The following CSMD2 variants were observed in gnomAD, a reference collection of about 807,000 sequenced individuals.
CSMD2 encodes CUB and Sushi multiple domains 2, also known as CUB and sushi domain-containing protein 2.
A neutral mutation model predicts 398.5 loss-of-function variants in CSMD2; 130 were observed. That is an observed-to-expected ratio of 0.33 (90% CI 0.28 to 0.38). The LOEUF is 0.38. Among genes scored for constraint, CSMD2 ranks in the 10% least tolerant of loss-of-function variants. The probability of loss-of-function intolerance (pLI) is 1.00; values close to 1 mark genes in which losing one functional copy is unlikely to be tolerated. For missense variants in CSMD2, 3,829 were observed against 4,764.9 expected (o/e 0.80, Z 5.78); for synonymous variants, 1,828 against 1,908.5 (o/e 0.96, Z 1.10).
intron 6 of CSMD2, among the ~76,000 whole-genome samples, chr1:33,841,676 G>C (rs911148747): frequency 3.3e-5 from 5 of 151,818 alleles, no homozygotes; most frequent in Non-Finnish European, 7.4e-5. Flanking sequence ...AAAGTCTTGT[G>C]GTTGCCAAAC....
chr1:33,780,089 A>G (rs1652523875), intron 12 of CSMD2, among the ~76,000 whole-genome samples: 1 of 152,142 alleles, frequency 6.6e-6, no homozygotes, highest in African/African-American at 2.4e-5. Flanking sequence ...ATGAGTAATA[A>G]GTCATTTAAG....
intron 27 of CSMD2, among the ~76,000 whole-genome samples, chr1:33,653,742 T>G (rs1351713605): frequency 2.0e-5 from 3 of 152,010 alleles, no homozygotes; most frequent in Non-Finnish European, 2.9e-5. Flanking sequence ...GGGAAGCGTG[T>G]GGGGTCGTTA....
intron 5 of CSMD2, among the ~76,000 whole-genome samples, chr1:33,860,235 T>C (rs1302502263): frequency 1.3e-5 from 2 of 152,242 alleles, no homozygotes; most frequent in Non-Finnish European, 2.9e-5. Flanking sequence ...CCAATCTGCA[T>C]CAGTTTCTTA....
intron 5 of CSMD2, among the ~76,000 whole-genome samples, chr1:33,911,903 T>C (rs1179208777): frequency 2.6e-5 from 4 of 152,232 alleles, no homozygotes; most frequent in Admixed American, 2.6e-4. Context: ...TCTTGGACTG[T>C]GTCCCAGGGA....
chr1:33,529,864 T>A (rs1655090353), intron 64 of CSMD2, among the ~76,000 whole-genome samples: 1 of 152,146 alleles, frequency 6.6e-6, no homozygotes, highest in African/African-American at 2.4e-5. Context: ...GGGAAAAAAT[T>A]TGCAAATCAT....
intron 44 of CSMD2, chr1:33,592,148 T>G: frequency 2.1e-6 from 1 of 482,288 alleles, no homozygotes; most frequent in Non-Finnish European, 3.8e-6. Context: ...GCAGCCAGAC[T>G]TCACAAAGGT....
intron 29 of CSMD2, among the ~76,000 whole-genome samples, chr1:33,642,310 G>A (rs1369916352): frequency 7.1e-5 from 10 of 140,198 alleles, no homozygotes; most frequent in South Asian, 2.2e-4. Context: ...TTGCGCCACT[G>A]CACTCCAGCC....
rs184867505 is a variant in CSMD2, at chr1:33,700,151, G to A, written c.3733+366C>T. Among the ~76,000 whole-genome samples, 336 of 152,228 alleles carry A rather than the reference G, an allele frequency of 2.2e-3. 3 individuals are homozygous for A. Among genetic ancestry groups the A allele is most frequent in the African/African-American group, 7.4e-3 (308 of 41,540 alleles). On this transcript the variant is annotated intron_variant, in intron 23 of 70. Coordinates refer to ENST00000373381, the MANE Select transcript of CSMD2 (RefSeq NM_001281956.2). ...AGCCTCCCAAGTAGCTGGGATTACA[G>A]GCACCCGCCACCACGCCCAGCTAAT... is the stretch of plus-strand genomic sequence containing the variant.
intron 5 of CSMD2, among the ~76,000 whole-genome samples, chr1:33,909,329 T>C (rs1643314731): frequency 6.6e-6 from 1 of 152,114 alleles, no homozygotes; most frequent in African/African-American, 2.4e-5. Context: ...TGGCTCCTTC[T>C]CAAAAGTCAG....
chr1:33,569,872 G>A (rs539491861), intron 51 of CSMD2, among the ~76,000 whole-genome samples: 2 of 152,274 alleles, frequency 1.3e-5, no homozygotes, highest in South Asian at 2.1e-4. Context: ...AAGAGATGGC[G>A]ATTCTGTGGT....
intron 3 of CSMD2, among the ~76,000 whole-genome samples, chr1:34,011,480 T>A (rs1312465704): frequency 6.6e-6 from 1 of 152,044 alleles, no homozygotes; most frequent in Non-Finnish European, 1.5e-5. Context: ...CCTAAGAGAG[T>A]CCATTCTTTC....
At chr1:33,528,154 A>G (rs10798963) in intron 64 of CSMD2, among the ~76,000 whole-genome samples, 94,064 of 152,058 alleles carry the variant, frequency 0.62, 29,354 homozygotes, top group East Asian at 0.72. Context: ...TGGGCCAGAC[A>G]GCCAAGGTTC....
At chr1:33,742,581 C>CA (rs1236833448) in intron 14 of CSMD2, among the ~76,000 whole-genome samples, 3 of 109,492 alleles carry the variant, frequency 2.7e-5, no homozygotes, top group African/African-American at 9.4e-5. Context: ...GCTTCTGCCC[C>CA]CCCCCCCCCA....
intron 21 of CSMD2, among the ~76,000 whole-genome samples, chr1:33,713,021 T>C (rs1190957271): frequency 2.0e-5 from 3 of 152,270 alleles, no homozygotes; most frequent in South Asian, 4.1e-4. Context: ...AAAAATGTTA[T>C]TGGCAAAATG....
At chr1:33,722,788 C>T (rs1646400676) in intron 19 of CSMD2, among the ~76,000 whole-genome samples, 1 of 151,188 alleles carries the variant, frequency 6.6e-6, no homozygotes, top group African/African-American at 2.4e-5. Flanking sequence ...GCAGTCTTTG[C>T]CTTTATGGAT....
intron 32 of CSMD2, among the ~76,000 whole-genome samples, chr1:33,628,648 GAC>G (rs545867144): frequency 8.0e-4 from 113 of 141,276 alleles, no homozygotes; most frequent in African/African-American, 2.9e-3. Context: ...CAGCCTGGGT[GAC>G]AGAGTGAGAC....
intron 1 of CSMD2, among the ~76,000 whole-genome samples, chr1:34,136,951 C>G (rs905953805): frequency 2.0e-5 from 3 of 152,112 alleles, no homozygotes; most frequent in Non-Finnish European, 4.4e-5. Flanking sequence ...TTTCCATTCA[C>G]TCATCCATTC....
At position 33,715,546 on chromosome 1, in the gene CSMD2, G is replaced by A. The variant is rs557427231; in HGVS notation, c.3217+740C>T. 2.5e-3 allele frequency among the ~76,000 whole-genome samples: 381 copies of A among 152,334 alleles called. 3 individuals are homozygous for A. Among genetic ancestry groups the A allele is most frequent in the African/African-American group, 9.0e-3 (373 of 41,576 alleles). On this transcript the variant is annotated intron_variant, in intron 20 of 70. Coordinates refer to ENST00000373381, the MANE Select transcript of CSMD2 (RefSeq NM_001281956.2). ...TGGCTGGATATGTCCCATTGGCCAA[G>A]TGAATCCAGGGATGTGACAGGTGAC...
intron 25 of CSMD2, among the ~76,000 whole-genome samples, chr1:33,668,735 C>G (rs1205813112): frequency 6.6e-6 from 1 of 152,176 alleles, no homozygotes; most frequent in Non-Finnish European, 1.5e-5. Flanking sequence ...AAAGATCTTC[C>G]TTCCTATTGA....
Sources: allele counts gnomAD v4.1 joint callset (sites outside exome capture counted in the v4.1 genomes callset), GRCh38; gene constraint gnomAD v4.1.1; transcripts MANE v1.5; gene names NCBI Gene and HGNC (gene_info 2026-07-23, HGNC 2026-07-21).